The following ATF3 variants were observed in gnomAD, a reference collection of about 807,000 sequenced individuals.
The protein encoded by ATF3 is cyclic AMP-dependent transcription factor ATF-3.
In ATF3, 10 loss-of-function variants were observed where a neutral mutation model predicts 18.4. That is an observed-to-expected ratio of 0.54 (90% confidence interval 0.34 to 0.92). ATF3 has a LOEUF of 0.92. Ranked by LOEUF, ATF3 falls within the 40% of genes least tolerant of loss-of-function variation. The pLI is 0.02. For missense variants in ATF3, 183 were observed against 222.3 expected, an observed-to-expected ratio of 0.82 and a Z score of 1.12; for synonymous variants, 78 against 87.9, an observed-to-expected ratio of 0.89 and a Z score of 0.63.
intron 2 of ATF3, among the ~76,000 whole-genome samples, chr1:212,617,286 G>A (rs189699378): frequency 1.3e-3 from 192 of 152,306 alleles, no homozygotes; most frequent in South Asian, 4.3e-3. Context: ...ACTGTTCCAC[G>A]CTTGGCAACC....
intron 1 of ATF3, among the ~76,000 whole-genome samples, chr1:212,577,229 A>T (rs1664598716): frequency 6.6e-6 from 1 of 152,180 alleles, no homozygotes; most frequent in South Asian, 2.1e-4. Flanking sequence ...CTGCTGTCAG[A>T]CTAATTTTTA....
chr1:212,605,724 C>T (rs1654606322), upstream of ATF3, among the ~76,000 whole-genome samples: 1 of 152,220 alleles, frequency 6.6e-6, no homozygotes, highest in African/African-American at 2.4e-5. Flanking sequence ...GTTCCTTCCC[C>T]TCCCCTTTTA....
chr1:212,586,406 T>G lies in ATF3; in HGVS notation c.-5+20923T>G, dbSNP rs1664780861. Among the ~76,000 whole-genome samples the G allele has an allele frequency of 2.0e-5, 3 of 152,186 alleles. No individual in the cohort carries two copies. The South Asian group carries it at 6.2e-4, about 32-fold the overall frequency. The stretch of plus-strand genomic sequence containing the variant: ...CTTAGGACATGGCACTTTCTTCCTC[T>G]TTGCTGCTCAAAGTGCAGAGTTAAT... On this transcript the variant is annotated intron_variant, in intron 1 of 3. Coordinates refer to the ATF3 transcript ENST00000366981.
At chr1:212,592,687 AG>A (rs1558231174) in intron 1 of ATF3, among the ~76,000 whole-genome samples, 1 of 151,840 alleles carries the variant, frequency 6.6e-6, no homozygotes, top group Non-Finnish European at 1.5e-5. Context: ...GGTCAGATCT[AG>A]GGGCCGGATT....
At chr1:212,577,947 G>A (rs1258457858) in intron 1 of ATF3, among the ~76,000 whole-genome samples, 2 of 152,180 alleles carry the variant, frequency 1.3e-5, no homozygotes, top group Non-Finnish European at 2.9e-5. Flanking sequence ...TTACTCAGTA[G>A]TTGGATTGCT....
chr1:212,565,735 A>G (rs1664370911), intron 1 of ATF3, among the ~76,000 whole-genome samples: 1 of 152,064 alleles, frequency 6.6e-6, no homozygotes, highest in Non-Finnish European at 1.5e-5. Flanking sequence ...TAAGTTTTTT[A>G]CTGACCCCTC....
chr1:212,601,927 G>T (rs1654494547), intron 1 of ATF3, among the ~76,000 whole-genome samples: 1 of 152,004 alleles, frequency 6.6e-6, no homozygotes, highest in Non-Finnish European at 1.5e-5. Flanking sequence ...TTTTAATTTT[G>T]GGGGGTATAT....
At chr1:212,595,028 C>G (rs1258238131) in intron 1 of ATF3, among the ~76,000 whole-genome samples, 1 of 152,130 alleles carries the variant, frequency 6.6e-6, no homozygotes, top group African/African-American at 2.4e-5. Context: ...GTTTTGCCAT[C>G]TACTATTACA....
At position 212,618,301 on chromosome 1, in the gene ATF3, CAGA is replaced by C. The variant is rs1388140173; in HGVS notation, c.348+74_348+76del. The stretch of plus-strand genomic sequence containing the variant: ...GTCTTCACCAGCTTCATGTGGCTAT[CAGA>C]AGAAGAGTTAGAAAACCCCCTACTT... On this transcript the variant is annotated intron_variant, in intron 3 of 3. Transcript: ENST00000341491. The surrounding 1 kb of genome is among the most constrained non-coding windows in gnomAD (Gnocchi z 4.4). 14 of 1,512,816 alleles carry C rather than the reference CAGA, an allele frequency of 9.3e-6. No homozygotes were observed. The highest frequency in any genetic ancestry group is 5.6e-5 in the South Asian group (5 of 88,940). The allele number at this position is 1,512,816 out of a possible 1,614,324, so 93.7% of individuals were successfully genotyped here.
chr1:212,605,126 T>G (rs1053586736), upstream of ATF3, among the ~76,000 whole-genome samples: 1 of 152,226 alleles, frequency 6.6e-6, no homozygotes, highest in African/African-American at 2.4e-5. Flanking sequence ...GAGGGCTGAC[T>G]GGGTGCCACA....
chr1:212,620,431 G>T lies in ATF3; in HGVS notation c.*876G>T, dbSNP rs1447507451. ...GAATATTCCATTTTCCTTTCCTTGT[G>T]GTTGAAAACCACAGTCAGTGGAGAG... On this transcript the variant is annotated 3_prime_UTR_variant, in exon 4 of 4. Coordinates refer to ENST00000341491, the MANE Select transcript of ATF3 (RefSeq NM_001674.4). 6.6e-6 allele frequency: 1 copy of T among 152,654 alleles called. No individual in the cohort carries two copies. The highest frequency in any genetic ancestry group is 1.5e-5 in the Non-Finnish European group (1 of 68,050). The allele number at this position is 152,654 out of a possible 1,614,324, so 9.5% of individuals were successfully genotyped here.
intron 1 of ATF3, among the ~76,000 whole-genome samples, chr1:212,589,882 C>G (rs1005886576): frequency 4.7e-5 from 7 of 149,064 alleles, no homozygotes; most frequent in Non-Finnish European, 8.9e-5. Context: ...TATGATTACT[C>G]TCTAAGTGGA....
chr1:212,617,191 A>T (rs1429665121), intron 2 of ATF3, among the ~76,000 whole-genome samples: 1 of 152,220 alleles, frequency 6.6e-6, no homozygotes, highest in Non-Finnish European at 1.5e-5. Context: ...AGGACCAGGC[A>T]GCCTGCCCCA....
intron 1 of ATF3, among the ~76,000 whole-genome samples, chr1:212,582,150 A>C (rs1365079693): frequency 6.6e-6 from 1 of 152,238 alleles, no homozygotes; most frequent in Non-Finnish European, 1.5e-5. Flanking sequence ...TTAGTGTACT[A>C]TATCCCAAAC....
chr1:212,597,353 T>A (rs1429415410), intron 1 of ATF3, among the ~76,000 whole-genome samples: 1 of 152,210 alleles, frequency 6.6e-6, no homozygotes, highest in Non-Finnish European at 1.5e-5. Context: ...AATTTCAGAA[T>A]TTATAATAAT....
rs369246248 is a variant in ATF3, at chr1:212,619,733, T to C, written c.*178T>C. 1.8e-4 allele frequency: 143 copies of C among 810,590 alleles called. No individual in the cohort carries two copies. In the East Asian group the frequency reaches 3.2e-3, roughly 18 times the overall value. 50.2% of individuals were successfully genotyped at this position (810,590 alleles called of 1,614,324 possible). On this transcript the variant is annotated 3_prime_UTR_variant, in exon 4 of 4. Coordinates refer to ENST00000341491, the MANE Select transcript of ATF3 (RefSeq NM_001674.4). This position sits in a 1 kb window ranked among gnomAD's most constrained non-coding sequence, Gnocchi z 4.4. ...AGGCCCTTCCCATTCTGCCCCAGAG[T>C]GGGTCTTGGACCAGGGCAAGTGCAT...
chr1:212,582,129 A>T (rs148669502), intron 1 of ATF3, among the ~76,000 whole-genome samples: 54 of 152,334 alleles, frequency 3.5e-4, no homozygotes, highest in African/African-American at 1.3e-3. Flanking sequence ...TCAAATAGAA[A>T]CAAAGAATTT....
chr1:212,581,351 C>T (rs527464573), intron 1 of ATF3, among the ~76,000 whole-genome samples: 6 of 152,260 alleles, frequency 3.9e-5, no homozygotes, highest in African/African-American at 1.4e-4. Flanking sequence ...GTTTGTTCCC[C>T]TGCACCTGCT....
intron 1 of ATF3, among the ~76,000 whole-genome samples, chr1:212,594,147 T>C (rs1664945280): frequency 6.6e-6 from 1 of 152,154 alleles, no homozygotes; most frequent in African/African-American, 2.4e-5. Flanking sequence ...TTAAATTCTG[T>C]TTCCTCCAGT....
Sources: gnomAD v4.1 joint callset for allele counts (sites outside exome capture counted in the v4.1 genomes callset) on GRCh38, gnomAD v4.1.1 for gene constraint, Gnocchi (gnomAD v3.1) non-coding constraint, MANE v1.5 for transcripts, NCBI Gene and HGNC (gene_info 2026-07-23, HGNC 2026-07-21) for gene names.